STARD13: variants seen among roughly 807,000 people sequenced by gnomAD.
STARD13 encodes StAR related lipid transfer domain containing 13, also known as stAR-related lipid transfer protein 13.
STARD13 carries 62 observed loss-of-function variants against 106.4 expected under a neutral mutation model. That is an observed-to-expected ratio of 0.58 (90% confidence interval 0.48 to 0.72). The LOEUF is 0.72. STARD13 is among the 30% of genes least tolerant of loss of function. STARD13 has a pLI of 0.00. For missense variants in STARD13, 1,387 were observed against 1,424.0 expected (o/e 0.97, Z 0.42); for synonymous variants, 565 against 553.0 (o/e 1.02, Z -0.31).
the STARD13 span, among the ~76,000 whole-genome samples, chr13:33,662,753 C>G: frequency 2.0e-5 from 3 of 152,108 alleles, no homozygotes; most frequent in South Asian, 6.2e-4. Context: ...AAGGTTAAAA[C>G]GAATTTTTAA....
the STARD13 span, among the ~76,000 whole-genome samples, chr13:33,545,437 A>T: frequency 3.3e-5 from 5 of 152,222 alleles, no homozygotes; most frequent in African/African-American, 1.2e-4. Flanking sequence ...CTTTATTGTA[A>T]TAAATTCACT....
At chr13:33,225,571 G>T (rs1040981327) in intron 1 of STARD13, among the ~76,000 whole-genome samples, 3 of 152,106 alleles carry the variant, frequency 2.0e-5, no homozygotes, top group African/African-American at 7.2e-5. Context: ...CTTGTTTTTA[G>T]GTCTTTTCTG....
At chr13:33,516,842 G>A in the STARD13 span, among the ~76,000 whole-genome samples, 1 of 151,572 alleles carries the variant, frequency 6.6e-6, no homozygotes, top group South Asian at 2.1e-4. Flanking sequence ...TTGGAAGGAT[G>A]AGGAGCAAGG....
chr13:33,123,693 CTG>C (rs1272963468), intron 7 of STARD13, among the ~76,000 whole-genome samples: 1 of 152,248 alleles, frequency 6.6e-6, no homozygotes, highest in Non-Finnish European at 1.5e-5. Flanking sequence ...CATGGACACT[CTG>C]TTGCATCATA....
At chr13:33,185,329 T>G (rs139453792) in intron 1 of STARD13, among the ~76,000 whole-genome samples, 70 of 152,354 alleles carry the variant, frequency 4.6e-4, no homozygotes, top group African/African-American at 1.6e-3. Context: ...CTTTCTTGTA[T>G]ATGTTTCCAT....
the STARD13 span, among the ~76,000 whole-genome samples, chr13:33,558,474 C>A: frequency 2.0e-5 from 3 of 151,798 alleles, no homozygotes; most frequent in Non-Finnish European, 4.4e-5. Context: ...GTGTTTTTCC[C>A]AGCTTGCTTT....
At chr13:33,526,823 G>C in the STARD13 span, among the ~76,000 whole-genome samples, 1 of 152,092 alleles carries the variant, frequency 6.6e-6, no homozygotes, top group Non-Finnish European at 1.5e-5. Context: ...GTACGTGACA[G>C]GTAAATTGAT....
intron 1 of STARD13, among the ~76,000 whole-genome samples, chr13:33,242,745 G>C (rs915775731): frequency 5.2e-4 from 79 of 150,622 alleles, no homozygotes; most frequent in Non-Finnish European, 9.4e-4. Flanking sequence ...AGAATGATCA[G>C]TAAATACTAA....
intron 7 of STARD13, among the ~76,000 whole-genome samples, chr13:33,125,024 T>C (rs1260561141): frequency 1.3e-5 from 2 of 152,198 alleles, no homozygotes; most frequent in South Asian, 2.1e-4. Context: ...ACACATTCAG[T>C]TCAGTCAAAG....
chr13:33,249,512 C>T (rs1889990825), intron 1 of STARD13, among the ~76,000 whole-genome samples: 1 of 152,160 alleles, frequency 6.6e-6, no homozygotes, highest in South Asian at 2.1e-4. Flanking sequence ...CCTTAGCCAC[C>T]TACAATGTGC....
chr13:33,163,996 A>G (rs1380511359), intron 3 of STARD13, among the ~76,000 whole-genome samples: 1 of 151,952 alleles, frequency 6.6e-6, no homozygotes, highest in African/African-American at 2.4e-5. Flanking sequence ...AAGAGGAAAC[A>G]CTGTCTTTCC....
chr13:33,631,597 G>A, the STARD13 span, among the ~76,000 whole-genome samples: 3 of 152,140 alleles, frequency 2.0e-5, no homozygotes, highest in African/African-American at 7.2e-5. Context: ...TCAACAGTGC[G>A]AAACTAGGGA....
At chr13:33,433,679 C>T in the STARD13 span, among the ~76,000 whole-genome samples, 1 of 152,150 alleles carries the variant, frequency 6.6e-6, no homozygotes, top group Non-Finnish European at 1.5e-5. Context: ...TGAGTATTTA[C>T]AAGGAACATT....
intron 1 of STARD13, among the ~76,000 whole-genome samples, chr13:33,271,874 G>A (rs779637319): frequency 2.0e-5 from 3 of 152,058 alleles, no homozygotes; most frequent in Admixed American, 6.5e-5. Flanking sequence ...ACATGCCTAC[G>A]TATAATTATG....
At chr13:33,236,636 T>C (rs1889203230) in intron 1 of STARD13, among the ~76,000 whole-genome samples, 1 of 152,168 alleles carries the variant, frequency 6.6e-6, no homozygotes, top group African/African-American at 2.4e-5. Flanking sequence ...AAAGTGCATC[T>C]ATGTGGATAC....
chr13:33,274,893 C>T (rs539397989), intron 1 of STARD13, among the ~76,000 whole-genome samples: 1 of 152,160 alleles, frequency 6.6e-6, no homozygotes, highest in Non-Finnish European at 1.5e-5. Flanking sequence ...CTTACCCCCA[C>T]CAAGAACCTC....
At chr13:33,448,440 C>CT in the STARD13 span, among the ~76,000 whole-genome samples, 2 of 152,056 alleles carry the variant, frequency 1.3e-5, no homozygotes, top group Non-Finnish European at 2.9e-5. Context: ...ACAAAATATT[C>CT]TTTTTTTATG....
intron 1 of STARD13, among the ~76,000 whole-genome samples, chr13:33,255,371 C>T (rs1294157626): frequency 1.3e-5 from 2 of 151,940 alleles, no homozygotes; most frequent in Non-Finnish European, 2.9e-5. Flanking sequence ...ATTATCAAAG[C>T]TAAGAAAAAT....
intron 8 of STARD13, among the ~76,000 whole-genome samples, chr13:33,116,756 T>C (rs1463354574): frequency 6.6e-6 from 1 of 152,262 alleles, no homozygotes. Context: ...GTTTGGGCTC[T>C]AGCAACTTGT....
Sources: gnomAD v4.1 joint callset for allele counts (sites outside exome capture counted in the v4.1 genomes callset) on GRCh38, gnomAD v4.1.1 for gene constraint, MANE v1.5 for transcripts, NCBI Gene and HGNC (gene_info 2026-07-23, HGNC 2026-07-21) for gene names.